GRM5: variants seen among roughly 807,000 people sequenced by gnomAD.
The protein encoded by GRM5 is metabotropic glutamate receptor 5.
Under a neutral mutation model 83.1 loss-of-function variants are expected in GRM5, and 19 were observed. The ratio of observed to expected loss-of-function variants is 0.23; its 90% CI spans 0.16 to 0.34. GRM5 has a LOEUF of 0.34. Among genes scored for constraint, GRM5 ranks in the 10% least tolerant of loss-of-function variants. The pLI, the probability that GRM5 is intolerant of heterozygous loss-of-function variation, is 1.00. For missense variants in GRM5, 1,160 were observed against 1,588.3 expected (o/e 0.73, Z 4.58); for synonymous variants, 675 against 633.6 (o/e 1.07, Z -0.98).
chr11:88,764,636 T>C (rs528213934), intron 3 of GRM5, among the ~76,000 whole-genome samples: 5 of 151,326 alleles, frequency 3.3e-5, no homozygotes, highest in East Asian at 3.9e-4. Context: ...ACAGGGGAAA[T>C]TGGAAAATAC....
intron 2 of GRM5, among the ~76,000 whole-genome samples, chr11:88,855,340 C>T (rs552226131): frequency 1.3e-5 from 2 of 151,918 alleles, no homozygotes; most frequent in South Asian, 4.1e-4. Flanking sequence ...ATCACAGACA[C>T]CCCACATATT....
intron 2 of GRM5, among the ~76,000 whole-genome samples, chr11:89,028,892 C>T (rs10741299): frequency 0.53 from 81,316 of 151,998 alleles, 24,156 homozygotes; most frequent in African/African-American, 0.81. Flanking sequence ...CACCCGTCAA[C>T]CCGTCATCTA....
intron 3 of GRM5, among the ~76,000 whole-genome samples, chr11:88,664,190 G>A (rs1056070128): frequency 1.3e-5 from 2 of 152,004 alleles, no homozygotes; most frequent in African/African-American, 4.8e-5. Context: ...GATAATGTAT[G>A]TAGTGTTTTT....
chr11:88,800,968 C>A (rs1359468705), intron 3 of GRM5, among the ~76,000 whole-genome samples: 2 of 152,148 alleles, frequency 1.3e-5, no homozygotes, highest in Admixed American at 1.3e-4. Flanking sequence ...ACACAATGCC[C>A]ATTATAGTAA....
intron 3 of GRM5, among the ~76,000 whole-genome samples, chr11:88,706,991 T>C (rs887619391): frequency 4.6e-5 from 7 of 152,062 alleles, no homozygotes; most frequent in Non-Finnish European, 7.4e-5. Flanking sequence ...AGTAGAACCT[T>C]CTTTCTGTGT....
intron 3 of GRM5, among the ~76,000 whole-genome samples, chr11:88,687,934 A>G (rs1940688861): frequency 6.6e-6 from 1 of 152,066 alleles, no homozygotes; most frequent in Admixed American, 6.5e-5. Context: ...TTCCGCCCTA[A>G]CACAGCTTTT....
intron 3 of GRM5, among the ~76,000 whole-genome samples, chr11:88,786,784 T>G (rs966552817): frequency 4.6e-5 from 7 of 152,108 alleles, no homozygotes; most frequent in African/African-American, 1.7e-4. Flanking sequence ...CTGTGTCTAT[T>G]ATCTATCCCC....
intron 8 of GRM5, among the ~76,000 whole-genome samples, chr11:88,560,805 AAAC>A (rs1942737654): frequency 6.6e-6 from 1 of 152,238 alleles, no homozygotes; most frequent in African/African-American, 2.4e-5. Context: ...TATGTACACA[AAAC>A]AAACTCAATA....
At chr11:88,875,951 T>C (rs961975624) in intron 2 of GRM5, among the ~76,000 whole-genome samples, 24 of 152,022 alleles carry the variant, frequency 1.6e-4, no homozygotes, top group Non-Finnish European at 2.9e-5. Flanking sequence ...TTAAGGGCCT[T>C]GGGGTTTTTG....
chr11:88,846,266 C>A (rs1944302695), intron 3 of GRM5, among the ~76,000 whole-genome samples: 1 of 152,070 alleles, frequency 6.6e-6, no homozygotes, highest in South Asian at 2.1e-4. Context: ...TAATTCTTTC[C>A]CAGATCTAGA....
chr11:88,739,439 T>C (rs1941985970), intron 3 of GRM5, among the ~76,000 whole-genome samples: 1 of 152,132 alleles, frequency 6.6e-6, no homozygotes, highest in Admixed American at 6.6e-5. Flanking sequence ...TTGTATCATC[T>C]TACATTTATT....
chr11:88,902,986 A>T (rs551007677), intron 2 of GRM5, among the ~76,000 whole-genome samples: 10 of 150,678 alleles, frequency 6.6e-5, no homozygotes, highest in African/African-American at 2.4e-4. Flanking sequence ...AAAAGCAAAG[A>T]AAAGGAAAGA....
At chr11:88,881,283 AT>A (rs1944949232) in intron 2 of GRM5, among the ~76,000 whole-genome samples, 1 of 151,934 alleles carries the variant, frequency 6.6e-6, no homozygotes, top group African/African-American at 2.4e-5. Flanking sequence ...ATTTTAAACA[AT>A]TTCTTTAAAA....
intron 3 of GRM5, among the ~76,000 whole-genome samples, chr11:88,677,625 T>C (rs1057312054): frequency 9.2e-5 from 14 of 152,274 alleles, no homozygotes; most frequent in Admixed American, 3.9e-4. Context: ...CTTTGAACTT[T>C]TTAATTACAT....
At chr11:88,602,042 G>A (rs765013773) in intron 5 of GRM5, among the ~76,000 whole-genome samples, 13 of 150,634 alleles carry the variant, frequency 8.6e-5, no homozygotes, top group East Asian at 3.9e-4. Flanking sequence ...ATTTCTTATC[G>A]GTAATTGTGA....
At chr11:88,668,650 G>T (rs945223277) in intron 3 of GRM5, among the ~76,000 whole-genome samples, 1 of 151,958 alleles carries the variant, frequency 6.6e-6, no homozygotes, top group Non-Finnish European at 1.5e-5. Flanking sequence ...TGTTATTATT[G>T]TGGTAAAAAC....
intron 2 of GRM5, among the ~76,000 whole-genome samples, chr11:88,906,882 G>A (rs952077676): frequency 3.9e-5 from 6 of 152,128 alleles, no homozygotes; most frequent in African/African-American, 9.7e-5. Context: ...GGCTAATTAA[G>A]GAGTTAATCA....
At chr11:88,723,750 A>G (rs1211070902) in intron 3 of GRM5, among the ~76,000 whole-genome samples, 1 of 152,036 alleles carries the variant, frequency 6.6e-6, no homozygotes, top group African/African-American at 2.4e-5. Context: ...TCCTAGCATG[A>G]TCCTTATCTT....
chr11:88,558,466 A>G (rs942671695), intron 8 of GRM5, among the ~76,000 whole-genome samples: 3 of 152,094 alleles, frequency 2.0e-5, no homozygotes, highest in Non-Finnish European at 4.4e-5. Flanking sequence ...GATTTGGAAA[A>G]GGGTTGCAAT....
Sources: gnomAD v4.1 joint callset for allele counts (sites outside exome capture counted in the v4.1 genomes callset) on GRCh38, gnomAD v4.1.1 for gene constraint, MANE v1.5 for transcripts, NCBI Gene and HGNC (gene_info 2026-07-23, HGNC 2026-07-21) for gene names.